Variants in SPINK1 observed in about 807,000 individuals in gnomAD.
SPINK1 encodes the protein serine protease inhibitor Kazal-type 1.
SPINK1 carries 5 observed loss-of-function variants against 9.5 expected under a neutral mutation model. That is an observed-to-expected ratio of 0.52 (90% CI 0.27 to 1.10). The LOEUF is 1.10. Among genes scored for constraint, SPINK1 ranks in the 50% least tolerant of loss-of-function variants. The pLI is 0.11. For missense variants in SPINK1, 88 were observed against 92.7 expected (o/e 0.95, Z 0.21); for synonymous variants, 37 against 32.3 (o/e 1.14, Z -0.49).
intron 3 of SPINK1, chr5:147,827,412 T>G (rs1002542548): frequency 2.6e-5 from 4 of 152,646 alleles, no homozygotes; most frequent in Middle Eastern, 6.8e-3. Context: ...TGTTGCACTT[T>G]ATTTACACCT....
At chr5:147,837,599 T>C in the SPINK1 span, among the ~76,000 whole-genome samples, 1 of 152,210 alleles carries the variant, frequency 6.6e-6, no homozygotes, top group Non-Finnish European at 1.5e-5. Context: ...CTTTCCTTAT[T>C]GTATGTTCAA....
intron 3 of SPINK1, 144 bp from the exon 4 acceptor site, chr5:147,824,850 C>T: frequency 1.4e-6 from 1 of 732,064 alleles, no homozygotes; most frequent in Non-Finnish European, 2.3e-6. Flanking sequence ...GTCTTTCATT[C>T]ATTTATACAT....
At chr5:147,837,645 C>CCTCTT in the SPINK1 span, among the ~76,000 whole-genome samples, 1 of 148,508 alleles carries the variant, frequency 6.7e-6, no homozygotes, top group Non-Finnish European at 1.5e-5. Context: ...CTTACATTAA[C>CCTCTT]TTCTTTTCTT....
the SPINK1 span, among the ~76,000 whole-genome samples, chr5:147,837,467 C>CA: frequency 6.6e-6 from 1 of 152,160 alleles, no homozygotes; most frequent in African/African-American, 2.4e-5. Context: ...TCATAGCTCA[C>CA]ACCAGGACAA....
intron 1 of SPINK1, 99 bp downstream of exon 1, chr5:147,831,424 C>T (rs1191781541): frequency 3.6e-5 from 54 of 1,481,432 alleles, no homozygotes; most frequent in South Asian, 5.9e-5. Flanking sequence ...AAACATCTCT[C>T]GAAGACTAGA....
At chr5:147,831,462 G>A (rs1215375079) in intron 1 of SPINK1, 61 bp downstream of exon 1, 2 of 1,600,548 alleles carry the variant, frequency 1.2e-6, no homozygotes, top group Non-Finnish European at 1.7e-6. Context: ...AAGATAATGT[G>A]CTTCACAAAG....
intron 2 of SPINK1, among the ~76,000 whole-genome samples, chr5:147,829,058 T>C (rs1756462315): frequency 6.6e-6 from 1 of 152,240 alleles, no homozygotes; most frequent in Non-Finnish European, 1.5e-5. Context: ...CAGCTGTCTC[T>C]GACTAGATAT....
chr5:147,830,386 A>G (rs771873062), intron 1 of SPINK1, among the ~76,000 whole-genome samples: 1 of 152,178 alleles, frequency 6.6e-6, no homozygotes, highest in Non-Finnish European at 1.5e-5. Flanking sequence ...AACTAATATG[A>G]TAGCAATCAA....
At chr5:147,828,766 A>G (rs1244381786) in intron 2 of SPINK1, among the ~76,000 whole-genome samples, 1 of 152,218 alleles carries the variant, frequency 6.6e-6, no homozygotes, top group Non-Finnish European at 1.5e-5. Flanking sequence ...AAGCAATAAA[A>G]TTAGCCAAGG....
intron 2 of SPINK1, 50 bp from the exon 3 acceptor site, chr5:147,828,178 G>A: frequency 1.4e-6 from 2 of 1,394,864 alleles, no homozygotes; most frequent in Non-Finnish European, 2.0e-6. Context: ...CCATTCTTGA[G>A]TTCATAGCAA....
chr5:147,834,111 A>G (rs1756555029), upstream of SPINK1, among the ~76,000 whole-genome samples: 1 of 151,904 alleles, frequency 6.6e-6, no homozygotes, highest in Non-Finnish European at 1.5e-5. Flanking sequence ...AATAATTCCA[A>G]CTCTATAGCT....
upstream of SPINK1, chr5:147,831,748 T>C: frequency 2.1e-6 from 3 of 1,463,286 alleles, no homozygotes; most frequent in Non-Finnish European, 2.7e-6. Context: ...TAGCCTGGCC[T>C]CCAGGTTCTG....
upstream of SPINK1, among the ~76,000 whole-genome samples, chr5:147,835,666 A>T (rs555723961): frequency 6.6e-6 from 1 of 152,244 alleles, no homozygotes; most frequent in African/African-American, 2.4e-5. Flanking sequence ...ACTCAAGAGA[A>T]CTGCTCTAAT....
chr5:147,831,827 G>T, upstream of SPINK1: 1 of 1,371,696 alleles, frequency 7.3e-7, no homozygotes, highest in Non-Finnish European at 9.4e-7. Context: ...CAAAGATTCT[G>T]TCAGGAAAAT....
At position 147,829,604 on chromosome 5, in the gene SPINK1, T is replaced by C. The variant is rs375368064; in HGVS notation, c.82A>G (p.Arg28Gly). Residue 28 changes from arginine to glycine, a missense_variant, in exon 2 of 4, where the codon AGA becomes GGA. Physicochemically the swap from Arg to Gly is moderately radical, Grantham distance 125. Coordinates refer to ENST00000296695, the MANE Select transcript of SPINK1 (RefSeq NM_001379610.1). Reference sequence around the variant, plus strand: ...AATTACAAATATCTCTTTACCTCTCTTCCCAGGGAGTCAGCTCCAGTGTTA... The same window carrying C: ...AATTACAAATATCTCTTTACCTCTCCTCCCAGGGAGTCAGCTCCAGTGTTA... Reference protein sequence around the residue: ...SGNTGADSLGREAKCYNELNG... With the variant: ...SGNTGADSLGGEAKCYNELNG... The C allele has an allele frequency of 2.0e-5, 33 of 1,612,714 alleles. No individual in the cohort carries two copies. Among genetic ancestry groups the C allele is most frequent in the Non-Finnish European group, 2.8e-5 (33 of 1,179,110 alleles).
rs775872440 is a variant in SPINK1, at chr5:147,828,082, G to A, written c.134C>T (p.Pro45Leu). 2 of 1,613,520 alleles carry A rather than the reference G, an allele frequency of 1.2e-6. No homozygotes were observed. Among genetic ancestry groups the A allele is most frequent in the South Asian group, 1.1e-5 (1 of 91,038 alleles). ...AGTATTTCCATCAGTCCCACAGACA[G>A]GGTCATATATCTTGGTGCATCCATT... ...ELNGCTKIYDPVCGTDGNTYP... is the reference protein window; with the variant it reads ...ELNGCTKIYDLVCGTDGNTYP... The change falls in exon 3 of 4, where the codon CCT becomes CTT. Residue 45 changes from proline to leucine, a missense_variant. By Grantham distance (98) the Pro-to-Leu change is moderately conservative. Transcript: ENST00000296695.
At chr5:147,828,338 A>C (rs1285113377) in intron 2 of SPINK1, among the ~76,000 whole-genome samples, 1 of 152,188 alleles carries the variant, frequency 6.6e-6, no homozygotes, top group Admixed American at 6.5e-5. Flanking sequence ...GACATTAGTA[A>C]GTCCTATGGC....
the SPINK1 span, among the ~76,000 whole-genome samples, chr5:147,836,891 G>C: frequency 4.6e-5 from 7 of 152,038 alleles, no homozygotes; most frequent in African/African-American, 1.2e-4. Context: ...TATCTAACAA[G>C]TTCTTTTCAG....
upstream of SPINK1, chr5:147,831,859 C>A: frequency 5.5e-6 from 7 of 1,276,812 alleles, no homozygotes; most frequent in African/African-American, 1.5e-5. Flanking sequence ...TTAGTTTGAT[C>A]CCTAACTCCC....
Sources: gnomAD v4.1 joint callset for allele counts (sites outside exome capture counted in the v4.1 genomes callset) on GRCh38, gnomAD v4.1.1 for gene constraint, MANE v1.5 for transcripts, NCBI Gene and HGNC (gene_info 2026-07-23, HGNC 2026-07-21) for gene names.